ZNF33A: variants seen among roughly 807,000 people sequenced by gnomAD.
ZNF33A encodes the protein zinc finger protein 33A, also known as brain my041 protein.
ZNF33A carries 9 observed loss-of-function variants against 15.9 expected under a neutral mutation model. The observed-to-expected ratio is 0.57, with a 90% CI of 0.34 to 0.99. The LOEUF (loss-of-function observed/expected upper bound fraction) is 0.99. Ranked by LOEUF, ZNF33A falls within the 50% of genes least tolerant of loss-of-function variation. The pLI, the probability that ZNF33A is intolerant of heterozygous loss-of-function variation, is 0.02. For missense variants in ZNF33A, 843 were observed against 941.6 expected, an observed-to-expected ratio of 0.90 and a Z score of 1.37; for synonymous variants, 294 against 324.2, an observed-to-expected ratio of 0.91 and a Z score of 1.00.
downstream of ZNF33A, among the ~76,000 whole-genome samples, chr10:38,063,032 AGAG>A (rs771472386): frequency 6.9e-6 from 1 of 144,620 alleles, no homozygotes; most frequent in East Asian, 2.2e-4. Flanking sequence ...AAAAAAAAAA[AGAG>A]GAAAAGTATC....
At chr10:38,049,076 T>A (rs2066082790) in intron 4 of ZNF33A, among the ~76,000 whole-genome samples, 1 of 152,076 alleles carries the variant, frequency 6.6e-6, no homozygotes, top group South Asian at 2.1e-4. Flanking sequence ...GAGTATTTTC[T>A]CCCACCATAA....
intron 4 of ZNF33A, among the ~76,000 whole-genome samples, chr10:38,044,818 C>T (rs990512076): frequency 6.6e-6 from 1 of 151,868 alleles, no homozygotes; most frequent in Non-Finnish European, 1.5e-5. Context: ...CAAGTGCCTG[C>T]CACCATGCCC....
chr10:38,051,850 A>G (rs1295874370), intron 4 of ZNF33A, among the ~76,000 whole-genome samples: 1 of 152,092 alleles, frequency 6.6e-6, no homozygotes, highest in Non-Finnish European at 1.5e-5. Flanking sequence ...CCCTGTATTA[A>G]AAAGAAAAAA....
At chr10:38,034,280 T>C (rs1424325887) in intron 4 of ZNF33A, among the ~76,000 whole-genome samples, 1 of 152,182 alleles carries the variant, frequency 6.6e-6, no homozygotes, top group Non-Finnish European at 1.5e-5. Context: ...TGTTCCAGGA[T>C]CCCTTCCAGG....
intron 4 of ZNF33A, chr10:38,017,636 C>T (rs2064523454): frequency 7.6e-6 from 2 of 262,850 alleles, no homozygotes; most frequent in East Asian, 7.6e-5. Flanking sequence ...TCTTTGCCCA[C>T]CTCAACTTTA....
At chr10:38,037,048 C>T (rs2065482735) in intron 4 of ZNF33A, among the ~76,000 whole-genome samples, 1 of 152,044 alleles carries the variant, frequency 6.6e-6, no homozygotes, top group African/African-American at 2.4e-5. Flanking sequence ...ATTTTATTGT[C>T]TTTGTTCTTG....
chr10:38,048,185 G>C (rs145734259), intron 4 of ZNF33A, among the ~76,000 whole-genome samples: 4 of 152,286 alleles, frequency 2.6e-5, no homozygotes, highest in East Asian at 1.9e-4. Flanking sequence ...TGGAAATCTG[G>C]ATCTACCTAG....
At chr10:38,026,568 G>T (rs1214572048) in intron 4 of ZNF33A, among the ~76,000 whole-genome samples, 1 of 152,200 alleles carries the variant, frequency 6.6e-6, no homozygotes, top group Non-Finnish European at 1.5e-5. Flanking sequence ...GACCTCAGGT[G>T]ATCCACCCGC....
chr10:38,021,658 T>G (rs536594992), intron 4 of ZNF33A, among the ~76,000 whole-genome samples: 14 of 151,452 alleles, frequency 9.2e-5, no homozygotes, highest in Middle Eastern at 3.4e-3. Flanking sequence ...AAAAAAAGAG[T>G]AGTGCCCAAC....
intron 4 of ZNF33A, among the ~76,000 whole-genome samples, chr10:38,031,583 A>G (rs2065210357): frequency 6.7e-6 from 1 of 149,528 alleles, no homozygotes; most frequent in African/African-American, 2.4e-5. Context: ...AAAAAAAAAG[A>G]AAAGAAAAAA....
At chr10:38,063,549 C>T (rs1007108879), downstream of ZNF33A, among the ~76,000 whole-genome samples, 1 of 152,158 alleles carries the variant, frequency 6.6e-6, no homozygotes, top group Non-Finnish European at 1.5e-5. Context: ...ATTTCCTTGT[C>T]ATGTTCTCTG....
downstream of ZNF33A, among the ~76,000 whole-genome samples, chr10:38,060,471 A>G (rs1181300824): frequency 6.6e-6 from 1 of 152,166 alleles, no homozygotes; most frequent in Admixed American, 6.5e-5. Flanking sequence ...TGCTCGCCAC[A>G]ACCCCTCCTT....
Position 38,056,080 on chromosome 10 carries a change from A to G in ZNF33A, c.1956A>G (p.Leu652=). ...AAGCTTTCTGCCATAAGTCAGCTCTAATTGTACATCAGAGAACCCATACAC... is the reference window on the plus strand; with the variant it reads ...AAGCTTTCTGCCATAAGTCAGCTCTGATTGTACATCAGAGAACCCATACAC... ...CGKAFCHKSA[L]IVHQRTHTQE... is the part of the protein sequence containing the mutation. The change falls in exon 5 of 5, where the codon CTA becomes CTG. Residue 652 remains leucine, a synonymous_variant. Transcript: ENST00000432900. 6.2e-7 allele frequency: 1 copy of G among 1,614,126 alleles called. No homozygotes were observed. Among genetic ancestry groups the G allele is most frequent in the Non-Finnish European group, 8.5e-7 (1 of 1,179,990 alleles).
intron 4 of ZNF33A, among the ~76,000 whole-genome samples, chr10:38,045,829 G>C (rs2065924293): frequency 6.6e-6 from 1 of 152,182 alleles, no homozygotes; most frequent in Non-Finnish European, 1.5e-5. Context: ...TCTGAACAAA[G>C]TGAGTTTTCT....
chr10:38,032,838 C>G (rs71491228), intron 4 of ZNF33A, among the ~76,000 whole-genome samples: 4,155 of 152,064 alleles, frequency 0.027, 138 homozygotes, highest in African/African-American at 0.082. Context: ...ACTTCACCTC[C>G]CAGGTTCAAG....
At chr10:38,035,111 CTTTTTTTTTTTTTT>C (rs71007683) in intron 4 of ZNF33A, among the ~76,000 whole-genome samples, 1 of 85,772 alleles carries the variant, frequency 1.2e-5, no homozygotes, top group Non-Finnish European at 2.0e-5. Flanking sequence ...CATTTACTTT[CTTTTTTTTTTTTTT>C]TTTTTTTTTT....
intron 4 of ZNF33A, among the ~76,000 whole-genome samples, chr10:38,031,336 A>C (rs1373254298): frequency 3.3e-5 from 5 of 152,050 alleles, no homozygotes; most frequent in African/African-American, 9.7e-5. Context: ...TTGGGAGGCC[A>C]AGGTGGGTGG....
chr10:38,012,061 T>G (rs1322008597), intron 1 of ZNF33A, among the ~76,000 whole-genome samples: 1 of 152,250 alleles, frequency 6.6e-6, no homozygotes, highest in African/African-American at 2.4e-5. Context: ...GTAAAAAATC[T>G]TGTGCCCAAG....
rs1429246577 is a variant in ZNF33A, at chr10:38,016,989, A to G, written c.128A>G (p.Glu43Gly). ...GCTCTGTATAGAGATGTGATGCTGG[A>G]GAACTACAGCAACCTTGTCTCAGTG... is the stretch of plus-strand genomic sequence containing the variant. Reference protein sequence around the residue: ...QRALYRDVMLENYSNLVSVGY... With the variant: ...QRALYRDVMLGNYSNLVSVGY... Residue 43 changes from glutamate (E) to glycine (G), a missense_variant, in exon 3 of 5, where the codon GAG becomes GGG. Physicochemically the swap from Glu to Gly is moderately conservative, Grantham distance 98. Transcript: ENST00000432900. 4.4e-6 allele frequency: 7 copies of G among 1,608,784 alleles called. No individual in the cohort carries two copies. The highest frequency in any genetic ancestry group is 5.9e-6 in the Non-Finnish European group (7 of 1,178,134).
Sources: gnomAD v4.1 joint callset for allele counts (sites outside exome capture counted in the v4.1 genomes callset) on GRCh38, gnomAD v4.1.1 for gene constraint, MANE v1.5 for transcripts, NCBI Gene and HGNC (gene_info 2026-07-23, HGNC 2026-07-21) for gene names.